The following NICOL1 variants were observed in gnomAD, a reference collection of about 807,000 sequenced individuals.
NICOL1 encodes NELL2 interacting cell ontogeny regulator 1.
At chr4:2,037,385 C>T in the NICOL1 span, among the ~76,000 whole-genome samples, 6 of 152,174 alleles carry the variant, frequency 3.9e-5, no homozygotes, top group Non-Finnish European at 7.3e-5. Flanking sequence ...TGAGCCACTG[C>T]GCTCAGCCAA....
At chr4:2,041,003 G>C in the NICOL1 span, among the ~76,000 whole-genome samples, 1 of 152,130 alleles carries the variant, frequency 6.6e-6, no homozygotes, top group African/African-American at 2.4e-5. Context: ...CTAGGCTGGG[G>C]AGGGGGGCGC....
chr4:2,040,977 T>C, the NICOL1 span, among the ~76,000 whole-genome samples: 1 of 150,828 alleles, frequency 6.6e-6, no homozygotes, highest in Non-Finnish European at 1.5e-5. Context: ...CCCCGGGGGT[T>C]GGGGGTAGAG....
the NICOL1 span, among the ~76,000 whole-genome samples, chr4:2,037,930 T>C: frequency 6.6e-6 from 1 of 151,580 alleles, no homozygotes; most frequent in Non-Finnish European, 1.5e-5. Context: ...TTTTTACATT[T>C]ATAATTATAT....
chr4:2,042,673 G>A, the NICOL1 span: 2 of 962,650 alleles, frequency 2.1e-6, no homozygotes, highest in East Asian at 3.0e-5. Context: ...GGCCCAGAGT[G>A]CGTGGGGGCC....
the NICOL1 span, among the ~76,000 whole-genome samples, chr4:2,036,794 T>C: frequency 6.6e-6 from 1 of 151,662 alleles, no homozygotes; most frequent in South Asian, 2.1e-4. Context: ...AGGAGCAAGT[T>C]TGGAAGAATG....
chr4:2,042,405 G>A, the NICOL1 span: 1 of 498,830 alleles, frequency 2.0e-6, no homozygotes. Context: ...CGCCGCCGCT[G>A]CTGCTGCTGC....
At chr4:2,039,124 T>C in the NICOL1 span, among the ~76,000 whole-genome samples, 1 of 152,162 alleles carries the variant, frequency 6.6e-6, no homozygotes, top group Non-Finnish European at 1.5e-5. Flanking sequence ...ATCAAAAGAA[T>C]ACATTATGGC....
At chr4:2,038,505 C>G in the NICOL1 span, among the ~76,000 whole-genome samples, 1 of 151,634 alleles carries the variant, frequency 6.6e-6, no homozygotes. Context: ...CTATGTTGTC[C>G]AAGCTGGTTT....
the NICOL1 span, chr4:2,041,748 C>T: frequency 2.2e-6 from 1 of 453,672 alleles, no homozygotes; most frequent in East Asian, 3.7e-5. Context: ...TTCCCACTTC[C>T]TCAGCTTTTC....
chr4:2,043,539 C>G, the NICOL1 span, among the ~76,000 whole-genome samples: 1 of 152,168 alleles, frequency 6.6e-6, no homozygotes, highest in Non-Finnish European at 1.5e-5. Flanking sequence ...TTGGGAGGAG[C>G]AGCCCCCACC....
the NICOL1 span, among the ~76,000 whole-genome samples, chr4:2,039,367 T>C: frequency 6.6e-6 from 1 of 151,416 alleles, no homozygotes; most frequent in African/African-American, 2.4e-5. Flanking sequence ...TGAGCCAAGA[T>C]TGCACCACTG....
At chr4:2,042,742 C>T in the NICOL1 span, 1 of 1,514,310 alleles carries the variant, frequency 6.6e-7, no homozygotes, top group South Asian at 1.2e-5. Context: ...GCAGGCCGCC[C>T]ATGCGTGGAC....
At chr4:2,042,123 A>C in the NICOL1 span, 2 of 1,470,140 alleles carry the variant, frequency 1.4e-6, no homozygotes, top group African/African-American at 1.5e-5. Context: ...CGGGGCGCGG[A>C]CTAGAGGCTC....
chr4:2,041,150 T>TG, the NICOL1 span, among the ~76,000 whole-genome samples: 212 of 65,614 alleles, frequency 3.2e-3, 9 homozygotes, highest in African/African-American at 9.6e-3. Flanking sequence ...CTGGGTGGGG[T>TG]GGGGGGGGAG....
chr4:2,039,174 G>A, the NICOL1 span, among the ~76,000 whole-genome samples: 1 of 152,136 alleles, frequency 6.6e-6, no homozygotes, highest in African/African-American at 2.4e-5. Context: ...AGTACTTCGG[G>A]AGGCCAAGGC....
At chr4:2,042,068 G>A in the NICOL1 span, 4 of 1,483,308 alleles carry the variant, frequency 2.7e-6, no homozygotes, top group Non-Finnish European at 3.6e-6. Flanking sequence ...CCTGAACCGC[G>A]GTAAGGGCGG....
the NICOL1 span, chr4:2,042,606 C>T: frequency 7.5e-6 from 4 of 531,818 alleles, no homozygotes; most frequent in South Asian, 5.2e-5. Flanking sequence ...TCCTCCCCTT[C>T]GCGGGAGATG....
the NICOL1 span, chr4:2,042,890 G>C: frequency 8.9e-7 from 1 of 1,129,016 alleles, no homozygotes; most frequent in Non-Finnish European, 1.2e-6. Context: ...GGGAGGATGA[G>C]GAAGAGGCCC....
At chr4:2,042,339 C>T in the NICOL1 span, 1 of 547,090 alleles carries the variant, frequency 1.8e-6, no homozygotes, top group Non-Finnish European at 3.0e-6. Flanking sequence ...CGGCCCCGCT[C>T]CCTCTGCTGG....
Sources: gnomAD v4.1 joint callset for allele counts (sites outside exome capture counted in the v4.1 genomes callset) on GRCh38, gnomAD v4.1.1 for gene constraint, MANE v1.5 for transcripts, NCBI Gene and HGNC (gene_info 2026-07-23, HGNC 2026-07-21) for gene names.